The following PCDH15 variants were observed in gnomAD, a reference collection of about 807,000 sequenced individuals.
PCDH15 encodes the protein protocadherin related 15.
PCDH15 carries 129 observed loss-of-function variants against 178.5 expected under a neutral mutation model. The observed-to-expected ratio is 0.72, with a 90% CI of 0.63 to 0.84. PCDH15 has a LOEUF of 0.84. PCDH15 is among the 40% of genes least tolerant of loss of function. The pLI is 0.00. For missense variants in PCDH15, 2,230 were observed against 2,099.9 expected (o/e 1.06, Z -1.21); for synonymous variants, 800 against 732.0 (o/e 1.09, Z -1.50).
At chr10:54,873,698 TA>T (rs1804280262) in intron 3 of PCDH15, among the ~76,000 whole-genome samples, 5 of 145,298 alleles carry the variant, frequency 3.4e-5, no homozygotes, top group African/African-American at 7.5e-5. Flanking sequence ...CTGTATTTTA[TA>T]TATATATATA....
At chr10:54,478,777 TACTC>T (rs2078467532) in intron 3 of PCDH15, among the ~76,000 whole-genome samples, 1 of 152,092 alleles carries the variant, frequency 6.6e-6, no homozygotes, top group Non-Finnish European at 1.5e-5. Flanking sequence ...TCAACAGACT[TACTC>T]TAGCAGTACC....
At chr10:54,375,158 G>A (rs891469125) in intron 4 of PCDH15, among the ~76,000 whole-genome samples, 5 of 152,100 alleles carry the variant, frequency 3.3e-5, no homozygotes, top group African/African-American at 1.2e-4. Context: ...AAACCAGTGA[G>A]TATTTAATTG....
At chr10:55,444,261 T>G (rs1246126402) in intron 2 of PCDH15, among the ~76,000 whole-genome samples, 1 of 144,600 alleles carries the variant, frequency 6.9e-6, no homozygotes, top group African/African-American at 2.6e-5. Context: ...TCTGCACATG[T>G]ACCCCAGAAA....
chr10:53,954,629 G>A (rs2087431182), intron 23 of PCDH15, among the ~76,000 whole-genome samples: 1 of 152,066 alleles, frequency 6.6e-6, no homozygotes, highest in African/African-American at 2.4e-5. Flanking sequence ...TCAGAAAACT[G>A]GAGAAAGTAA....
At chr10:54,269,719 G>C (rs1311057547) in intron 8 of PCDH15, among the ~76,000 whole-genome samples, 1 of 152,076 alleles carries the variant, frequency 6.6e-6, no homozygotes, top group Middle Eastern at 3.4e-3. Context: ...TTTCTTCACA[G>C]AAGCATTCTA....
At chr10:54,979,883 T>G (rs1021313928) in intron 2 of PCDH15, among the ~76,000 whole-genome samples, 1 of 152,002 alleles carries the variant, frequency 6.6e-6, no homozygotes, top group South Asian at 2.1e-4. Context: ...AATGCAATAC[T>G]TGTCTAAGAT....
intron 2 of PCDH15, among the ~76,000 whole-genome samples, chr10:55,137,605 T>A (rs1460494664): frequency 1.4e-5 from 1 of 73,380 alleles, no homozygotes; most frequent in Non-Finnish European, 3.1e-5. Context: ...ATTGACAAAT[T>A]TATTCAATTA....
At chr10:55,409,353 A>C (rs1838279089) in intron 2 of PCDH15, among the ~76,000 whole-genome samples, 1 of 151,798 alleles carries the variant, frequency 6.6e-6, no homozygotes, top group African/African-American at 2.4e-5. Flanking sequence ...ATCATCTTTG[A>C]CTCCTGTTTT....
At chr10:54,559,032 A>G (rs1454028928) in intron 2 of PCDH15, among the ~76,000 whole-genome samples, 1 of 152,046 alleles carries the variant, frequency 6.6e-6, no homozygotes, top group African/African-American at 2.4e-5. Flanking sequence ...CAGGTTCCTC[A>G]TGAATTTGAC....
chr10:54,963,919 A>G (rs146146830), intron 2 of PCDH15, among the ~76,000 whole-genome samples: 12 of 152,322 alleles, frequency 7.9e-5, no homozygotes, highest in Admixed American at 3.9e-4. Context: ...AGCTGAGACA[A>G]TGGTGATGGG....
chr10:54,796,418 TTC>T (rs1161142181), intron 1 of PCDH15, among the ~76,000 whole-genome samples: 1 of 151,578 alleles, frequency 6.6e-6, no homozygotes, highest in Non-Finnish European at 1.5e-5. Context: ...CTCTCAGACT[TTC>T]TGTCTCTATA....
At chr10:55,156,178 G>A (rs1353264579) in intron 2 of PCDH15, among the ~76,000 whole-genome samples, 1 of 152,094 alleles carries the variant, frequency 6.6e-6, no homozygotes, top group Non-Finnish European at 1.5e-5. Context: ...TGAAGCTTGA[G>A]GCTAAAATAT....
At chr10:54,167,597 T>C (rs1490174944) in intron 13 of PCDH15, among the ~76,000 whole-genome samples, 2 of 151,946 alleles carry the variant, frequency 1.3e-5, no homozygotes, top group Admixed American at 1.3e-4. Flanking sequence ...AAGGGGCAAG[T>C]ACCTCAACCC....
intron 1 of PCDH15, among the ~76,000 whole-genome samples, chr10:55,315,883 G>T (rs1209322502): frequency 1.3e-5 from 2 of 152,082 alleles, no homozygotes; most frequent in Non-Finnish European, 2.9e-5. Context: ...AGGCGTGGTG[G>T]TGCATGCCTA....
intron 2 of PCDH15, among the ~76,000 whole-genome samples, chr10:54,981,580 G>T (rs1409707498): frequency 6.6e-6 from 1 of 152,122 alleles, no homozygotes; most frequent in African/African-American, 2.4e-5. Flanking sequence ...TAATAACGAA[G>T]AGATTTAAAA....
At chr10:54,411,354 C>G (rs1953482666) in intron 3 of PCDH15, among the ~76,000 whole-genome samples, 1 of 152,130 alleles carries the variant, frequency 6.6e-6, no homozygotes, top group Non-Finnish European at 1.5e-5. Flanking sequence ...AAAATGACAA[C>G]TGTAGTCTCA....
chr10:53,883,397 A>T (rs1244067333), intron 26 of PCDH15, among the ~76,000 whole-genome samples: 1 of 152,136 alleles, frequency 6.6e-6, no homozygotes, highest in African/African-American at 2.4e-5. Flanking sequence ...ATTTAAAGAG[A>T]TATATTTTTT....
intron 1 of PCDH15, among the ~76,000 whole-genome samples, chr10:55,308,876 A>T (rs896258643): frequency 1.3e-5 from 2 of 152,230 alleles, no homozygotes; most frequent in African/African-American, 2.4e-5. Flanking sequence ...GCTATTTTGA[A>T]CTTGTGGCCA....
intron 2 of PCDH15, among the ~76,000 whole-genome samples, chr10:55,359,002 A>G (rs1845150885): frequency 6.6e-6 from 1 of 152,062 alleles, no homozygotes; most frequent in Non-Finnish European, 1.5e-5. Context: ...GACCAGCCTG[A>G]GCAACATAGT....
Sources: allele counts gnomAD v4.1 joint callset (sites outside exome capture counted in the v4.1 genomes callset), GRCh38; gene constraint gnomAD v4.1.1; transcripts MANE v1.5; gene names NCBI Gene and HGNC (gene_info 2026-07-23, HGNC 2026-07-21).